PHACTR2: variants seen among roughly 807,000 people sequenced by gnomAD.
The protein encoded by PHACTR2 is phosphatase and actin regulator 2.
A neutral mutation model predicts 76.0 loss-of-function variants in PHACTR2; 30 were observed. The ratio of observed to expected loss-of-function variants is 0.39; its 90% CI spans 0.30 to 0.54. PHACTR2 has a LOEUF of 0.54. Ranked by LOEUF, PHACTR2 falls within the 20% of genes least tolerant of loss-of-function variation. The probability of loss-of-function intolerance (pLI) is 0.61; values close to 1 mark genes in which losing one functional copy is unlikely to be tolerated. For synonymous variants in PHACTR2, 292 were observed against 292.5 expected (o/e 1.00, Z 0.02); for missense variants, 696 against 781.1 (o/e 0.89, Z 1.30).
At position 143,678,205 on chromosome 6, in the gene PHACTR2, C is replaced by T. The variant is rs1357421774; in HGVS notation, c.42C>T (p.Gly14=). 2 of 1,535,298 alleles carry T rather than the reference C, an allele frequency of 1.3e-6. No homozygotes were observed. Among genetic ancestry groups the T allele is most frequent in the Non-Finnish European group, 1.8e-6 (2 of 1,140,492 alleles). The change falls in exon 1 of 13, where the codon GGC becomes GGT. Residue 14 remains glycine, a synonymous_variant. Coordinates refer to ENST00000440869, the MANE Select transcript of PHACTR2 (RefSeq NM_001100164.2). This position sits in a 1 kb window ranked among gnomAD's most constrained non-coding sequence, Gnocchi z 6.2. ...TSVSTLSPQP[G]SVDGLDKASI... Reference sequence around the variant, plus strand: ...TGTCCACGCTGTCCCCGCAGCCCGGCAGCGGTGAGTCCGGGGCGCACGCGA... The same window carrying T: ...TGTCCACGCTGTCCCCGCAGCCCGGTAGCGGTGAGTCCGGGGCGCACGCGA...
At position 143,757,315 on chromosome 6, in the gene PHACTR2, C is replaced by A. The variant is rs920543783; in HGVS notation, c.455-3086C>A. Among the ~76,000 whole-genome samples, 2 of 152,106 alleles carry A rather than the reference C, an allele frequency of 1.3e-5. No individual in the cohort carries two copies. The highest frequency in any genetic ancestry group is 4.8e-5 in the African/African-American group (2 of 41,408). On this transcript the variant is annotated intron_variant, in intron 4 of 12. Coordinates refer to ENST00000440869, the MANE Select transcript of PHACTR2 (RefSeq NM_001100164.2). This position sits in a 1 kb window ranked among gnomAD's most constrained non-coding sequence, Gnocchi z 4.2. ...AAACGGGCAATTGTAGTGCAAGATG[C>A]GAAGTACCGTAGAAGGCCTGAGCAC...
At position 143,774,544 on chromosome 6, in the gene PHACTR2, T is replaced by A. The variant is rs1354041186; in HGVS notation, c.1589+329T>A. The stretch of plus-strand genomic sequence containing the variant: ...GCTGTAGCATAAAAGCAGCCATAAA[T>A]AATAGATAAACAAATGAGTGTGGCC... On this transcript the variant is annotated intron_variant, in intron 8 of 12. Transcript: ENST00000440869. This position sits in a 1 kb window ranked among gnomAD's most constrained non-coding sequence, Gnocchi z 5.4. 6.6e-6 allele frequency among the ~76,000 whole-genome samples: 1 copy of A among 152,178 alleles called. No homozygotes were observed. The highest frequency in any genetic ancestry group is 1.5e-5 in the Non-Finnish European group (1 of 68,028).
rs2128435164 is a variant in PHACTR2, at chr6:143,596,406, C to G, written c.217+59199C>G. ...CCTGAACTGCATTAAGAGAGAGACA[C>G]TCTTACTTATATTTGTATCCCCAGA... On this transcript the variant is annotated intron_variant, in intron 1 of 11. Transcript: ENST00000367584. The surrounding 1 kb of genome is among the most constrained non-coding windows in gnomAD (Gnocchi z 4.6). Among the ~76,000 whole-genome samples the G allele has an allele frequency of 6.6e-6, 1 of 152,232 alleles. No homozygotes were observed. The highest frequency in any genetic ancestry group is 2.1e-4 in the South Asian group (1 of 4,804).
rs907435901 is a variant in PHACTR2, at chr6:143,627,994, C to G, written c.13+19672C>G. On this transcript the variant is annotated intron_variant, in intron 1 of 11. Transcript: ENST00000305766. The surrounding 1 kb of genome is among the most constrained non-coding windows in gnomAD (Gnocchi z 4.3). ...GCAAACACCAGTCTGCTTTCTATCTCTATTGATTTACCTATTTGGGATATT... is the reference window on the plus strand; with the variant it reads ...GCAAACACCAGTCTGCTTTCTATCTGTATTGATTTACCTATTTGGGATATT... Among the ~76,000 whole-genome samples the G allele has an allele frequency of 6.6e-6, 1 of 152,126 alleles. No homozygotes were observed. Among genetic ancestry groups the G allele is most frequent in the Admixed American group, 6.5e-5 (1 of 15,274 alleles).
intron 2 of PHACTR2, among the ~76,000 whole-genome samples, chr6:143,734,012 G>A (rs890325092): frequency 6.6e-6 from 1 of 152,104 alleles, no homozygotes; most frequent in African/African-American, 2.4e-5. Context: ...TCTTCTCCCA[G>A]TAGAATGGAT....
intron 1 of PHACTR2, among the ~76,000 whole-genome samples, chr6:143,686,029 G>T (rs1777511746): frequency 6.6e-6 from 1 of 151,944 alleles, no homozygotes; most frequent in South Asian, 2.1e-4. Flanking sequence ...CTACTTGAGA[G>T]GCTGAGACAG....
chr6:143,824,848 A>G lies in PHACTR2; in HGVS notation c.*1159A>G, dbSNP rs527652109. ...AACAGAACATGGAAAGTTCCCACTA[A>G]GTTGTGTGTGAGGAAATCCTCATCT... On this transcript the variant is annotated 3_prime_UTR_variant, in exon 13 of 13. Coordinates refer to ENST00000440869, the MANE Select transcript of PHACTR2 (RefSeq NM_001100164.2). The surrounding 1 kb of genome is among the most constrained non-coding windows in gnomAD (Gnocchi z 6.3). 1 of 152,600 alleles carries G rather than the reference A, an allele frequency of 6.6e-6. No homozygotes were observed. Among genetic ancestry groups the G allele is most frequent in the Admixed American group, 6.5e-5 (1 of 15,282 alleles). The allele number at this position is 152,600 out of a possible 1,614,324, so 9.5% of individuals were successfully genotyped here.
chr6:143,626,054 A>G lies in PHACTR2; in HGVS notation c.13+17732A>G, dbSNP rs117736714. On this transcript the variant is annotated intron_variant, in intron 1 of 11. Coordinates refer to the PHACTR2 transcript ENST00000305766. ...TTTGGTGCAGTTTCAGGTGAACGCT[A>G]TTTTTTATTTCAATTTGCTTAAATG... 7.4e-4 allele frequency among the ~76,000 whole-genome samples: 113 copies of G among 152,246 alleles called. 1 individual carries two copies. The East Asian group carries it at 0.019, about 26-fold the overall frequency.
intron 1 of PHACTR2, among the ~76,000 whole-genome samples, chr6:143,544,694 A>G (rs1407357078): frequency 6.6e-6 from 1 of 152,232 alleles, no homozygotes; most frequent in East Asian, 1.9e-4. Context: ...TCCCTGCACC[A>G]TAAAATCATT....
At position 143,782,150 on chromosome 6, in the gene PHACTR2, C is replaced by T. The variant is rs896613057; in HGVS notation, c.1646-1069C>T. 6.6e-6 allele frequency among the ~76,000 whole-genome samples: 1 copy of T among 151,864 alleles called. No individual in the cohort carries two copies. Among genetic ancestry groups the T allele is most frequent in the Non-Finnish European group, 1.5e-5 (1 of 67,984 alleles). On this transcript the variant is annotated intron_variant, in intron 9 of 12. Coordinates refer to ENST00000440869, the MANE Select transcript of PHACTR2 (RefSeq NM_001100164.2). The surrounding 1 kb of genome is among the most constrained non-coding windows in gnomAD (Gnocchi z 4.6). ...TAAAAAAATTTTTTTTAATTGAACC[C>T]GGGAAGCGGAGGTTGCGGTGAGCCA...
At chr6:143,713,614 A>G (rs1020788286) in intron 2 of PHACTR2, among the ~76,000 whole-genome samples, 3 of 152,146 alleles carry the variant, frequency 2.0e-5, no homozygotes, top group African/African-American at 7.2e-5. Context: ...GGTGACTTTG[A>G]ACAGGTCAGA....
intron 1 of PHACTR2, among the ~76,000 whole-genome samples, chr6:143,576,337 G>A (rs1343277887): frequency 2.0e-5 from 3 of 152,186 alleles, no homozygotes; most frequent in Admixed American, 6.5e-5. Flanking sequence ...TTTACAAGTC[G>A]TGGGGTGATT....
chr6:143,745,402 T>C (rs891150530), intron 2 of PHACTR2, among the ~76,000 whole-genome samples: 1 of 152,218 alleles, frequency 6.6e-6, no homozygotes, highest in Non-Finnish European at 1.5e-5. Context: ...TGATCGATAC[T>C]GAAGTGGGTT....
chr6:143,590,219 T>A (rs1321145785), intron 1 of PHACTR2, among the ~76,000 whole-genome samples: 1 of 152,178 alleles, frequency 6.6e-6, no homozygotes, highest in African/African-American at 2.4e-5. Flanking sequence ...TTTGGTATTT[T>A]CCCCGTATTT....
Position 143,595,388 on chromosome 6 carries a change from C to T in PHACTR2, c.217+58181C>T, listed in dbSNP as rs964730380. On this transcript the variant is annotated intron_variant, in intron 1 of 11. Transcript: ENST00000367584. This position sits in a 1 kb window ranked among gnomAD's most constrained non-coding sequence, Gnocchi z 4.2. ...GATTTGGGCCACATTTACTTGGCTC[C>T]GGGGGAGTTTTTCAATCCTGTTGAA... 1.3e-4 allele frequency among the ~76,000 whole-genome samples: 20 copies of T among 152,250 alleles called. No homozygotes were observed. The highest frequency in any genetic ancestry group is 4.3e-4 in the African/African-American group (18 of 41,534).
chr6:143,778,488 C>T (rs1481055690), intron 9 of PHACTR2, among the ~76,000 whole-genome samples: 1 of 148,962 alleles, frequency 6.7e-6, no homozygotes, highest in Non-Finnish European at 1.5e-5. Context: ...TTTTTTTTGA[C>T]ATAACTAGAA....
At position 143,618,435 on chromosome 6, in the gene PHACTR2, A is replaced by G. The variant is rs968099935; in HGVS notation, c.13+10113A>G. Among the ~76,000 whole-genome samples the G allele has an allele frequency of 1.3e-5, 2 of 152,230 alleles. No homozygotes were observed. Among genetic ancestry groups the G allele is most frequent in the East Asian group, 1.9e-4 (1 of 5,198 alleles). On this transcript the variant is annotated intron_variant, in intron 1 of 11. Transcript: ENST00000305766. The surrounding 1 kb of genome is among the most constrained non-coding windows in gnomAD (Gnocchi z 5.2). Reference sequence around the variant, plus strand: ...ATGGTTAATATATGCTTTCTAATAGAAACAGCGCAATTTAGTAAAACCATC... The same window carrying G: ...ATGGTTAATATATGCTTTCTAATAGGAACAGCGCAATTTAGTAAAACCATC...
At chr6:143,552,851 C>T (rs746961863) in intron 1 of PHACTR2, among the ~76,000 whole-genome samples, 124 of 148,054 alleles carry the variant, frequency 8.4e-4, no homozygotes, top group Non-Finnish European at 1.5e-3. Context: ...CCACTGCACT[C>T]CAGCCTTGGC....
intron 6 of PHACTR2, among the ~76,000 whole-genome samples, chr6:143,771,400 A>ATTATT (rs540940725): frequency 4.9e-4 from 72 of 146,542 alleles, no homozygotes; most frequent in African/African-American, 1.5e-3. Context: ...CTAATTTTTT[A>ATTATT]TTATTTTATT....
Sources: gnomAD v4.1 joint callset for allele counts (sites outside exome capture counted in the v4.1 genomes callset) on GRCh38, gnomAD v4.1.1 for gene constraint, Gnocchi (gnomAD v3.1) non-coding constraint, MANE v1.5 for transcripts, NCBI Gene and HGNC (gene_info 2026-07-23, HGNC 2026-07-21) for gene names.